Variants in UBE3C observed in about 807,000 individuals in gnomAD.
UBE3C encodes ubiquitin-protein ligase E3C.
A neutral mutation model predicts 129.4 loss-of-function variants in UBE3C; 42 were observed. The ratio of observed to expected loss-of-function variants is 0.32; its 90% confidence interval spans 0.25 to 0.42. The LOEUF (loss-of-function observed/expected upper bound fraction) is 0.42, where lower values mean the gene tolerates loss of function less well. UBE3C is among the 10% of genes least tolerant of loss of function. UBE3C has a pLI of 1.00. For missense variants in UBE3C, 1,049 were observed against 1,319.1 expected (o/e 0.80, Z 3.17); for synonymous variants, 510 against 492.4 (o/e 1.04, Z -0.47).
chr7:157,191,589 C>T (rs1006252593), intron 10 of UBE3C, among the ~76,000 whole-genome samples: 1 of 152,178 alleles, frequency 6.6e-6, no homozygotes, highest in African/African-American at 2.4e-5. Context: ...CAAGTCACTG[C>T]GCCCAGCCCC....
intron 10 of UBE3C, among the ~76,000 whole-genome samples, chr7:157,200,478 A>G (rs1809250104): frequency 6.6e-6 from 1 of 152,210 alleles, no homozygotes; most frequent in Non-Finnish European, 1.5e-5. Context: ...ATCTCTTAAA[A>G]AAATATTTAT....
At chr7:157,173,521 C>T (rs907071076) in intron 4 of UBE3C, among the ~76,000 whole-genome samples, 1 of 152,130 alleles carries the variant, frequency 6.6e-6, no homozygotes, top group African/African-American at 2.4e-5. Context: ...ATGCAAAAAT[C>T]AACATATATG....
At chr7:157,223,182 C>T in intron 15 of UBE3C, 72 bp from the exon 16 acceptor site, 1 of 1,464,538 alleles carries the variant, frequency 6.8e-7, no homozygotes, top group Non-Finnish European at 9.6e-7. Flanking sequence ...AGAATCTTCA[C>T]CTTAAGAATT....
intron 1 of UBE3C, among the ~76,000 whole-genome samples, chr7:157,154,645 A>C (rs894180413): frequency 3.3e-5 from 5 of 152,214 alleles, no homozygotes; most frequent in African/African-American, 1.2e-4. Context: ...TTGCTATTAA[A>C]ATAGTGCCTT....
At chr7:157,140,227 G>T (rs1807402632) in intron 1 of UBE3C, among the ~76,000 whole-genome samples, 1 of 128,566 alleles carries the variant, frequency 7.8e-6, no homozygotes, top group Non-Finnish European at 1.6e-5. Flanking sequence ...AGTTTTTCTT[G>T]TCTATCAGTA....
chr7:157,216,343 G>A (rs2051876), intron 13 of UBE3C, among the ~76,000 whole-genome samples: 71,866 of 151,298 alleles, frequency 0.47, 19,626 homozygotes, highest in African/African-American at 0.76. Context: ...GACATTTCCA[G>A]ATTCGTGGGT....
chr7:157,224,810 T>TCTCC (rs1554433645), intron 16 of UBE3C, among the ~76,000 whole-genome samples: 4 of 150,976 alleles, frequency 2.6e-5, no homozygotes, highest in African/African-American at 7.4e-5. Flanking sequence ...TCTCTCTCTC[T>TCTCC]CTCCCACTCA....
At chr7:157,163,458 G>C (rs1298724552) in intron 1 of UBE3C, among the ~76,000 whole-genome samples, 1 of 151,808 alleles carries the variant, frequency 6.6e-6, no homozygotes, top group Non-Finnish European at 1.5e-5. Flanking sequence ...TTTCCTCTGG[G>C]GTAATATTTT....
rs114206774 is a variant in UBE3C, at chr7:157,205,936, G to A, written c.1419-1462G>A. Among the ~76,000 whole-genome samples, 282 of 152,266 alleles carry A rather than the reference G, an allele frequency of 1.9e-3. 1 individual carries two copies. The highest frequency in any genetic ancestry group is 6.5e-3 in the African/African-American group (271 of 41,550). ...GCTCAGCCAAGCTCCTTACGGCCCCGCTAATTAGAACAAGTGGCCTTACCT... is the reference window on the plus strand; with the variant it reads ...GCTCAGCCAAGCTCCTTACGGCCCCACTAATTAGAACAAGTGGCCTTACCT... On this transcript the variant is annotated intron_variant, in intron 11 of 22. Transcript: ENST00000348165.
At chr7:157,254,990 G>A (rs1796714044) in intron 21 of UBE3C, among the ~76,000 whole-genome samples, 1 of 152,004 alleles carries the variant, frequency 6.6e-6, no homozygotes, top group Non-Finnish European at 1.5e-5. Context: ...GCGTACACCT[G>A]CAGTCCCATC....
intron 15 of UBE3C, 30 bp downstream of exon 15, chr7:157,220,806 G>T: frequency 6.2e-7 from 1 of 1,609,664 alleles, no homozygotes; most frequent in East Asian, 2.2e-5. Context: ...GGGTTACTGA[G>T]GTATGAATTA....
rs17837724 is a variant in UBE3C, at chr7:157,199,449, G to T, written c.1332-2272G>T. On this transcript the variant is annotated intron_variant, in intron 10 of 22. Coordinates refer to ENST00000348165, the MANE Select transcript of UBE3C (RefSeq NM_014671.3). ...TCAACAGTATAGTCTTTTTCAGAGT[G>T]AATTTTTTTTATTTTTATTTTATTT... 0.014 allele frequency among the ~76,000 whole-genome samples: 2,086 copies of T among 151,702 alleles called. 115 individuals carry two copies. In the East Asian group the frequency reaches 0.16, roughly 11 times the overall value.
intron 15 of UBE3C, chr7:157,222,903 C>T (rs1795777645): frequency 4.4e-6 from 1 of 229,388 alleles, no homozygotes. Flanking sequence ...CGAAGGTGGT[C>T]GGGGGTGGCC....
At chr7:157,178,144 C>G (rs950425669) in intron 5 of UBE3C, among the ~76,000 whole-genome samples, 1 of 152,054 alleles carries the variant, frequency 6.6e-6, no homozygotes, top group African/African-American at 2.4e-5. Flanking sequence ...GCGGCCTGCC[C>G]GACTGCTTGT....
chr7:157,250,728 G>A (rs1796599931), intron 19 of UBE3C, among the ~76,000 whole-genome samples: 1 of 152,150 alleles, frequency 6.6e-6, no homozygotes, highest in Non-Finnish European at 1.5e-5. Flanking sequence ...TAGATAATTT[G>A]GCGGGGGGGC....
chr7:157,156,206 A>G (rs1807897716), intron 1 of UBE3C, among the ~76,000 whole-genome samples: 1 of 151,890 alleles, frequency 6.6e-6, no homozygotes, highest in East Asian at 1.9e-4. Context: ...AAGTGAGAAA[A>G]TATTATAAGT....
intron 1 of UBE3C, among the ~76,000 whole-genome samples, chr7:157,161,134 T>C: frequency 6.6e-6 from 1 of 152,116 alleles, no homozygotes; most frequent in East Asian, 1.9e-4. Context: ...GTGGGAAAAT[T>C]GGTGGATTTC....
rs59540123 is a variant in UBE3C, at chr7:157,230,395, G to GAA, written c.2234-672_2234-671dup. On this transcript the variant is annotated intron_variant, in intron 17 of 22. Coordinates refer to ENST00000348165, the MANE Select transcript of UBE3C (RefSeq NM_014671.3). ...CACTAACAGTAGCTGATAAGCTTTT[G>GAA]AAAAAAAAAAAAAATTACAGGCCGG... is the stretch of plus-strand genomic sequence containing the variant. Among the ~76,000 whole-genome samples the GAA allele has an allele frequency of 1.3e-3, 173 of 138,018 alleles. 2 individuals carry two copies. In the South Asian group the frequency reaches 0.031, roughly 24 times the overall value. The allele number at this position is 138,018 out of a possible 152,430, so 90.5% of individuals were successfully genotyped here. A position where few individuals can be genotyped will look rare whatever the true frequency, so the allele number is the denominator to read the frequency against.
At chr7:157,256,000 G>A (rs564955372) in intron 21 of UBE3C, among the ~76,000 whole-genome samples, 14 of 152,142 alleles carry the variant, frequency 9.2e-5, no homozygotes, top group Non-Finnish European at 1.9e-4. Flanking sequence ...CTGTGGCCAC[G>A]TGCAAGCCCC....
Sources: allele counts gnomAD v4.1 joint callset (sites outside exome capture counted in the v4.1 genomes callset), GRCh38; gene constraint gnomAD v4.1.1; transcripts MANE v1.5; gene names NCBI Gene and HGNC (gene_info 2026-07-23, HGNC 2026-07-21).